The following BCL6 variants were observed in gnomAD, a reference collection of about 807,000 sequenced individuals.
BCL6 encodes B-cell lymphoma 6 protein.
BCL6 carries 7 observed loss-of-function variants against 59.5 expected under a neutral mutation model. The ratio of observed to expected loss-of-function variants is 0.12; its 90% CI spans 0.07 to 0.22. The LOEUF (loss-of-function observed/expected upper bound fraction) is 0.22, where lower values mean the gene tolerates loss of function less well. BCL6 is among the 10% of genes least tolerant of loss of function. The pLI is 1.00. For missense variants in BCL6, 685 were observed against 939.4 expected, an observed-to-expected ratio of 0.73 and a Z score of 3.54; for synonymous variants, 339 against 349.7, an observed-to-expected ratio of 0.97 and a Z score of 0.34.
chr3:187,725,221 G>A lies in BCL6; in HGVS notation c.1840-143C>T. On this transcript the variant is annotated intron_variant, in intron 8 of 9. Coordinates refer to ENST00000406870, the MANE Select transcript of BCL6 (RefSeq NM_001706.5). This position sits in a 1 kb window ranked among gnomAD's most constrained non-coding sequence, Gnocchi z 4.7. ...ACACAGGGACTGAGTGGGCCTTTCTGCTGCCCACTCTGCTCACCTGCCCAC... is the reference window on the plus strand; with the variant it reads ...ACACAGGGACTGAGTGGGCCTTTCTACTGCCCACTCTGCTCACCTGCCCAC... 2.3e-6 allele frequency: 3 copies of A among 1,323,426 alleles called. No homozygotes were observed. The South Asian group carries it at 4.1e-5, about 18-fold the overall frequency. 82.0% of individuals were successfully genotyped at this position (1,323,426 alleles called of 1,614,324 possible).
Position 187,729,128 on chromosome 3 carries a change from T to G in BCL6, c.1277A>C (p.Gln426Pro), listed in dbSNP as rs780442173. The G allele has an allele frequency of 1.3e-6, 2 of 1,587,934 alleles. No individual in the cohort carries two copies. Among genetic ancestry groups the G allele is most frequent in the African/African-American group, 2.7e-5 (2 of 74,146 alleles). The part of the protein sequence containing the change: ...PPMEPENLDL[Q>P]SPTKLSASGE... ...GCTGGCACTCAGCTTGGTTGGGGAC[T>G]GGAGGTCAAGGTTCTCAGGCTCCAT... Residue 426 changes from glutamine to proline, a missense_variant, in exon 5 of 10, where the codon CAG (glutamine) becomes CCG (proline). Around this residue, in one of 7 missense-constraint regions of BCL6, gnomAD observed 207 missense variants for 213.7 expected, o/e 0.97. Coordinates refer to ENST00000406870, the MANE Select transcript of BCL6 (RefSeq NM_001706.5). This position sits in a 1 kb window ranked among gnomAD's most constrained non-coding sequence, Gnocchi z 5.6.
At position 187,733,686 on chromosome 3, in the gene BCL6, G is replaced by A. The variant is rs145456310; in HGVS notation, c.8C>T (p.Ser3Leu). 8.7e-6 allele frequency: 14 copies of A among 1,613,876 alleles called. No individual in the cohort carries two copies. The African/African-American group carries it at 1.1e-4, about 12-fold the overall frequency. Residue 3 changes from serine to leucine, a missense_variant, in exon 3 of 10, where the codon TCG (serine) becomes TTG (leucine). Ser to Leu is a moderately radical substitution (Grantham distance 145). This residue lies in a region of BCL6 where 102 missense variants were observed against 176.6 expected (regional missense o/e 0.58). Transcript: ENST00000406870. The stretch of plus-strand genomic sequence containing the variant: ...GAACTGGATACAGCTGTCAGCCGGC[G>A]AGGCCATTTTGTCTTCACTTGAAAA... The part of the protein sequence containing the change: MA[S>L]PADSCIQFTR...
chr3:187,744,494 A>T (rs189533591), intron 1 of BCL6, among the ~76,000 whole-genome samples: 1 of 152,224 alleles, frequency 6.6e-6, no homozygotes, highest in African/African-American at 2.4e-5. Context: ...GGAACACCAA[A>T]ACACTCGGCT....
intron 1 of BCL6, among the ~76,000 whole-genome samples, chr3:187,739,101 C>T (rs1172067245): frequency 2.6e-5 from 4 of 152,202 alleles, no homozygotes; most frequent in East Asian, 1.9e-4. Context: ...TGGAGAATGC[C>T]TTCCGCCCTT....
chr3:187,739,678 T>A (rs2108478300), intron 1 of BCL6, among the ~76,000 whole-genome samples: 1 of 152,244 alleles, frequency 6.6e-6, no homozygotes, highest in South Asian at 2.1e-4. Context: ...ACGTTCCCCA[T>A]ACGCTCAGCG....
chr3:187,733,704 CT>C lies in BCL6; in HGVS notation c.-10-2del. On this transcript the variant is annotated splice_acceptor_variant, in intron 2 of 9. Coordinates refer to ENST00000406870, the MANE Select transcript of BCL6 (RefSeq NM_001706.5). LOFTEE classifies it low-confidence loss of function (5UTR_SPLICE). The stretch of plus-strand genomic sequence containing the variant: ...AGCCGGCGAGGCCATTTTGTCTTCA[CT>C]TGAAAAAAGAGGCCAAAATCCTGTT... 2 of 1,613,894 alleles carry C rather than the reference CT, an allele frequency of 1.2e-6. No individual in the cohort carries two copies. The highest frequency in any genetic ancestry group is 1.7e-6 in the Non-Finnish European group (2 of 1,179,856).
Position 187,725,429 on chromosome 3 carries a change from T to C in BCL6, c.1839+70A>G, listed in dbSNP as rs984103158. 5 of 1,584,274 alleles carry C rather than the reference T, an allele frequency of 3.2e-6. No homozygotes were observed. In the Admixed American group the frequency reaches 8.6e-5, roughly 27 times the overall value. On this transcript the variant is annotated intron_variant, in intron 8 of 9. Transcript: ENST00000406870. This position sits in a 1 kb window ranked among gnomAD's most constrained non-coding sequence, Gnocchi z 4.7. Reference sequence around the variant, plus strand: ...TTGCCTGCCCACTCCTCCGCTTGCCTGCCCACTCCTCCGCTCGCCTGCCCG... The same window carrying C: ...TTGCCTGCCCACTCCTCCGCTTGCCCGCCCACTCCTCCGCTCGCCTGCCCG...
chr3:187,742,351 G>A (rs1711637982), intron 1 of BCL6, among the ~76,000 whole-genome samples: 1 of 152,152 alleles, frequency 6.6e-6, no homozygotes, highest in Non-Finnish European at 1.5e-5. Flanking sequence ...AACTCTTCAA[G>A]GGCTCAGCAA....
rs896265439 is a variant in BCL6, at chr3:187,725,385, G to T, written c.1839+114C>A. ...CCCGCTCTGCTCACCTGCCCGCTCC[G>T]CTTGCCTGCCCGCTCCACTTGCCTG... On this transcript the variant is annotated intron_variant, in intron 8 of 9. Transcript: ENST00000406870. This position sits in a 1 kb window ranked among gnomAD's most constrained non-coding sequence, Gnocchi z 4.7. 3.9e-6 allele frequency: 6 copies of T among 1,539,622 alleles called. No individual in the cohort carries two copies. The highest frequency in any genetic ancestry group is 5.2e-6 in the Non-Finnish European group (6 of 1,145,406).
chr3:187,733,673 G>A lies in BCL6; in HGVS notation c.21C>T (p.Ser7=), dbSNP rs1719151308. The A allele has an allele frequency of 6.2e-7, 1 of 1,614,040 alleles. No homozygotes were observed. Residue 7 remains serine (S), a synonymous_variant, in exon 3 of 10, where the codon AGC becomes AGT. Transcript: ENST00000406870. The part of the protein sequence containing the change: MASPAD[S]CIQFTRHASD... ...TGGCATGGCGGGTGAACTGGATACA[G>A]CTGTCAGCCGGCGAGGCCATTTTGT...
At chr3:187,738,383 C>T (rs1719388260) in intron 1 of BCL6, among the ~76,000 whole-genome samples, 1 of 152,194 alleles carries the variant, frequency 6.6e-6, no homozygotes, top group Non-Finnish European at 1.5e-5. Context: ...CAGAAAGCCC[C>T]TTCCGCCTAC....
intron 5 of BCL6, among the ~76,000 whole-genome samples, chr3:187,728,843 C>T (rs1375215444): frequency 6.6e-6 from 1 of 152,224 alleles, no homozygotes; most frequent in Non-Finnish European, 1.5e-5. Flanking sequence ...GAATGCTATT[C>T]TGCCCCAGAA....
At chr3:187,742,832 C>G (rs979072006) in intron 1 of BCL6, among the ~76,000 whole-genome samples, 1 of 152,202 alleles carries the variant, frequency 6.6e-6, no homozygotes, top group South Asian at 2.1e-4. Context: ...TATTTTAAAG[C>G]AAGAATGTGA....
chr3:187,722,718 C>A lies in BCL6; in HGVS notation c.1978-117G>T, dbSNP rs1005099. On this transcript the variant is annotated intron_variant, in intron 9 of 9. Transcript: ENST00000406870. ...AGGGACTGGGGCAGCTCTTGCCTCT[C>A]CAAGGCCAGGTGAAGAACCCATATG... 0.6 allele frequency: 804,736 copies of A among 1,349,406 alleles called. 248,924 individuals are homozygous for A. The highest frequency in any genetic ancestry group is 0.76 in the East Asian group (30,388 of 40,056). 83.6% of individuals were successfully genotyped at this position (1,349,406 alleles called of 1,614,324 possible).
At position 187,729,188 on chromosome 3, in the gene BCL6, C is replaced by G. The variant is rs369842677; in HGVS notation, c.1217G>C (p.Arg406Pro). 3.7e-5 allele frequency: 58 copies of G among 1,574,630 alleles called. No homozygotes were observed. Among genetic ancestry groups the G allele is most frequent in the Non-Finnish European group, 4.7e-5 (54 of 1,158,036 alleles). ...GCAGGCAGGTGGGGCCGTGTAGGCT[C>G]GTGGGGAAAGGCGGCCCAGCTCAGC... is the stretch of plus-strand genomic sequence containing the variant. ...EQAELGRLSPRAYTAPPACQP... is the reference protein window; with the variant it reads ...EQAELGRLSPPAYTAPPACQP... Residue 406 changes from arginine (R) to proline (P), a missense_variant, in exon 5 of 10, where the codon CGA becomes CCA. This residue lies in a region of BCL6 where 207 missense variants were observed against 213.7 expected (regional missense o/e 0.97). Coordinates refer to ENST00000406870, the MANE Select transcript of BCL6 (RefSeq NM_001706.5). The surrounding 1 kb of genome is among the most constrained non-coding windows in gnomAD (Gnocchi z 5.6).
At chr3:187,738,134 G>A (rs1262993679) in intron 1 of BCL6, among the ~76,000 whole-genome samples, 1 of 152,222 alleles carries the variant, frequency 6.6e-6, no homozygotes, top group African/African-American at 2.4e-5. Context: ...AGACAAGTTA[G>A]TAGCAGAGCT....
At chr3:187,745,129 T>G (rs187193348) in intron 1 of BCL6, among the ~76,000 whole-genome samples, 2 of 151,930 alleles carry the variant, frequency 1.3e-5, no homozygotes, top group South Asian at 4.2e-4. Context: ...ACAATAATAA[T>G]AATAAATACA....
At chr3:187,744,594 A>C (rs1159761891) in intron 1 of BCL6, among the ~76,000 whole-genome samples, 3 of 151,742 alleles carry the variant, frequency 2.0e-5, no homozygotes, top group Admixed American at 6.6e-5. Context: ...AAAAACAAAA[A>C]CCCAAAGAGT....
chr3:187,744,781 A>G (rs1711819592), intron 1 of BCL6, among the ~76,000 whole-genome samples: 1 of 151,346 alleles, frequency 6.6e-6, no homozygotes, highest in Admixed American at 6.6e-5. Context: ...GAAAAAGAGG[A>G]GGGAGGGAAG....
Sources: gnomAD v4.1 joint callset for allele counts (sites outside exome capture counted in the v4.1 genomes callset) on GRCh38, gnomAD v4.1.1 for gene constraint, gnomAD v4.1.1 regional missense constraint, Gnocchi (gnomAD v3.1) non-coding constraint, MANE v1.5 for transcripts, NCBI Gene and HGNC (gene_info 2026-07-23, HGNC 2026-07-21) for gene names.